Variants in ZFP2 observed in about 807,000 individuals in gnomAD.
ZFP2 encodes the protein ZFP2 zinc finger protein, also known as zinc finger protein ZFP2.
Under a neutral mutation model 36.1 loss-of-function variants are expected in ZFP2, and 33 were observed. The ratio of observed to expected loss-of-function variants is 0.92; its 90% confidence interval spans 0.69 to 1.22. The LOEUF (loss-of-function observed/expected upper bound fraction) is 1.22. ZFP2 is among the 50% of genes most tolerant of loss of function. ZFP2 has a pLI of 0.00. For synonymous variants in ZFP2, 170 were observed against 178.0 expected, an observed-to-expected ratio of 0.96 and a Z score of 0.36; for missense variants, 522 against 551.4, an observed-to-expected ratio of 0.95 and a Z score of 0.53.
chr5:178,910,491 C>T (rs1758271592), intron 1 of ZFP2: 2 of 649,320 alleles, frequency 3.1e-6, no homozygotes, highest in East Asian at 6.1e-5. Context: ...GGTACTTGCT[C>T]CTCACAGTGG....
At position 178,931,219 on chromosome 5, in the gene ZFP2, A is replaced by ATTTT; in HGVS notation, c.-77-7_-77-4dup. 1 of 1,345,022 alleles carries ATTTT rather than the reference A, an allele frequency of 7.4e-7. No individual in the cohort carries two copies. Among genetic ancestry groups the ATTTT allele is most frequent in the South Asian group, 1.6e-5 (1 of 63,524 alleles). 83.3% of individuals were successfully genotyped at this position (1,345,022 alleles called of 1,614,324 possible). On this transcript the variant is annotated splice_polypyrimidine_tract_variant and intron_variant, in intron 4 of 4. Coordinates refer to ENST00000361362, the MANE Select transcript of ZFP2 (RefSeq NM_030613.4). Reference sequence around the variant, plus strand: ...AGCACAGAAACCAATGTGCATTTGAATTTTTTTTTTTTTTCAGACTGGGAG... The same window carrying ATTTT: ...AGCACAGAAACCAATGTGCATTTGAATTTTTTTTTTTTTTTTTTCAGACTGGGAG...
intron 1 of ZFP2, among the ~76,000 whole-genome samples, chr5:178,903,204 A>G (rs1052164052): frequency 1.3e-5 from 2 of 152,246 alleles, no homozygotes; most frequent in East Asian, 1.9e-4. Flanking sequence ...GGACATATCA[A>G]TGCAACATTA....
In ZFP2 at chr5:178,902,905, C is replaced by T. The variant is rs942497365; in HGVS notation, c.-450+6931C>T. On this transcript the variant is annotated intron_variant, in intron 1 of 4. Coordinates refer to ENST00000361362, the MANE Select transcript of ZFP2 (RefSeq NM_030613.4). The stretch of plus-strand genomic sequence containing the variant: ...TGCATTTCACAATATATCTTGGAGA[C>T]CTGTCCATATCAGTACATCGGGGCT... 1.1e-4 allele frequency among the ~76,000 whole-genome samples: 16 copies of T among 152,158 alleles called. 1 individual carries two copies. The highest frequency in any genetic ancestry group is 2.0e-4 in the Admixed American group (3 of 15,276).
chr5:178,913,410 T>C (rs1758343770), intron 3 of ZFP2, among the ~76,000 whole-genome samples: 1 of 152,240 alleles, frequency 6.6e-6, no homozygotes, highest in African/African-American at 2.4e-5. Flanking sequence ...CTCTGGGCTT[T>C]TACTGTCTTT....
At chr5:178,909,827 G>C in intron 1 of ZFP2, 1 of 1,592,132 alleles carries the variant, frequency 6.3e-7, no homozygotes, top group Non-Finnish European at 8.6e-7. Context: ...GATTTGGCCA[G>C]GCCTCATCTT....
At chr5:178,913,606 T>C (rs1758349238) in intron 3 of ZFP2, among the ~76,000 whole-genome samples, 1 of 152,228 alleles carries the variant, frequency 6.6e-6, no homozygotes. Context: ...TTTTCATTTC[T>C]AGCAGCCTTA....
intron 1 of ZFP2, among the ~76,000 whole-genome samples, chr5:178,911,195 G>A (rs1032832340): frequency 1.2e-4 from 18 of 152,166 alleles, no homozygotes; most frequent in African/African-American, 3.9e-4. Context: ...TAGAAAGAAA[G>A]GTAGACAATG....
At chr5:178,904,520 G>T (rs1758126190) in intron 1 of ZFP2, among the ~76,000 whole-genome samples, 1 of 151,212 alleles carries the variant, frequency 6.6e-6, no homozygotes, top group African/African-American at 2.4e-5. Flanking sequence ...ATGCCAAATT[G>T]TCACATATAT....
At chr5:178,906,474 A>G (rs1220950924) in intron 1 of ZFP2, among the ~76,000 whole-genome samples, 5 of 151,950 alleles carry the variant, frequency 3.3e-5, no homozygotes, top group African/African-American at 1.2e-4. Flanking sequence ...GAAATTTTAA[A>G]CTTTTTGGTT....
rs10051284 is a variant in ZFP2 at position 178,929,945 on chromosome 5, G to A, written c.-77-1292G>A. On this transcript the variant is annotated intron_variant, in intron 4 of 4. Transcript: ENST00000361362. ...AGTGCCAGCATCTGCTTGACGGTGG[G>A]GGGGGGGGCTCAGGAGGCTTACAGT... Among the ~76,000 whole-genome samples, 5 of 141,166 alleles carry A rather than the reference G, an allele frequency of 3.5e-5. 1 individual carries two copies. Among genetic ancestry groups the A allele is most frequent in the South Asian group, 2.2e-4 (1 of 4,480 alleles). 92.6% of individuals were successfully genotyped at this position (141,166 alleles called of 152,430 possible).
At chr5:178,909,538 G>T (rs1758245042) in intron 1 of ZFP2, among the ~76,000 whole-genome samples, 1 of 152,132 alleles carries the variant, frequency 6.6e-6, no homozygotes, top group Non-Finnish European at 1.5e-5. Flanking sequence ...TCATTCCTTT[G>T]ACTCTGCTGG....
intron 1 of ZFP2, among the ~76,000 whole-genome samples, chr5:178,904,011 AAAAG>A (rs1234087912): frequency 2.0e-5 from 3 of 152,032 alleles, no homozygotes; most frequent in Admixed American, 6.5e-5. Flanking sequence ...AAAGAAAAAA[AAAAG>A]AAAAGTTTTC....
Position 178,932,686 on chromosome 5 carries a change from G to T in ZFP2, c.1373G>T (p.Arg458Ile), listed in dbSNP as rs115597245. The change falls in exon 5 of 5, where the codon AGA becomes ATA. Residue 458 changes from arginine to isoleucine, a missense_variant. Arg to Ile is a moderately conservative substitution (Grantham distance 97). Transcript: ENST00000361362. ...SRSTNLTRHQ[R>I]THT ...AGTACAAACCTTACACGACATCAAA[G>T]AACTCATACGTGAGGAATGTTTTCA... 5.7e-4 allele frequency: 911 copies of T among 1,594,330 alleles called. 13 individuals carry two copies. In the East Asian group the frequency reaches 0.016, roughly 27 times the overall value.
At position 178,931,717 on chromosome 5, in the gene ZFP2, G is replaced by A. The variant is rs1758844669; in HGVS notation, c.404G>A (p.Cys135Tyr). The A allele has an allele frequency of 2.6e-5, 42 of 1,614,142 alleles. No homozygotes were observed. Among genetic ancestry groups the A allele is most frequent in the Non-Finnish European group, 3.3e-5 (39 of 1,180,020 alleles). ...GAGAAACCCTATAAGTGTAATGTAT[G>A]TGGGAAACACTTCATTGAACGATCC... is the stretch of plus-strand genomic sequence containing the variant. ...TGEKPYKCNV[C>Y]GKHFIERSSL... The change falls in exon 5 of 5, where the codon TGT becomes TAT. Residue 135 changes from cysteine to tyrosine, a missense_variant. Physicochemically the swap from Cys to Tyr is radical, Grantham distance 194. Transcript: ENST00000361362.
intron 4 of ZFP2, among the ~76,000 whole-genome samples, chr5:178,927,423 T>C (rs988472035): frequency 6.6e-6 from 1 of 152,200 alleles, no homozygotes; most frequent in African/African-American, 2.4e-5. Context: ...GTAGTTTACA[T>C]ACTGTGTTAG....
chr5:178,922,507 A>G, intron 4 of ZFP2: 1 of 1,373,822 alleles, frequency 7.3e-7, no homozygotes, highest in Non-Finnish European at 1.0e-6. Flanking sequence ...ATGGAGTTAC[A>G]TCCATATGGG....
Position 178,931,646 on chromosome 5 carries a change from C to G in ZFP2, c.333C>G (p.Phe111Leu), listed in dbSNP as rs774927708. ...AATGTAATCAGTGCAGCAAAACCTT[C>G]AGTCAGAGCTCATCCCTTCTTAAGC... ...IYECNQCSKTFSQSSSLLKHQ... is the reference protein window; with the variant it reads ...IYECNQCSKTLSQSSSLLKHQ... Residue 111 changes from phenylalanine (F) to leucine (L), a missense_variant, in exon 5 of 5, where the codon TTC (phenylalanine) becomes TTG (leucine). Transcript: ENST00000361362. 1 of 1,614,104 alleles carries G rather than the reference C, an allele frequency of 6.2e-7. No homozygotes were observed.
chr5:178,924,752 G>A (rs1301396492), intron 4 of ZFP2, among the ~76,000 whole-genome samples: 1 of 148,672 alleles, frequency 6.7e-6, no homozygotes, highest in East Asian at 1.9e-4. Flanking sequence ...GGAGACTGAG[G>A]CAGGAGAATC....
chr5:178,904,630 T>C (rs1758128991), intron 1 of ZFP2, among the ~76,000 whole-genome samples: 1 of 150,748 alleles, frequency 6.6e-6, no homozygotes, highest in Non-Finnish European at 1.5e-5. Context: ...TTCTGGATTC[T>C]ATTCCATTGT....
Sources: gnomAD v4.1 joint callset for allele counts (sites outside exome capture counted in the v4.1 genomes callset) on GRCh38, gnomAD v4.1.1 for gene constraint, MANE v1.5 for transcripts, NCBI Gene and HGNC (gene_info 2026-07-23, HGNC 2026-07-21) for gene names.